Variants in MAP3K9 observed in about 807,000 individuals in gnomAD.
The protein encoded by MAP3K9 is mixed lineage kinase 1 (tyr and ser/thr specificity).
Under a neutral mutation model 95.8 loss-of-function variants are expected in MAP3K9, and 46 were observed. That is an observed-to-expected ratio of 0.48 (90% CI 0.38 to 0.61). The LOEUF is 0.61. Among genes scored for constraint, MAP3K9 ranks in the 20% least tolerant of loss-of-function variants. The pLI is 0.00. For synonymous variants in MAP3K9, 533 were observed against 593.8 expected (o/e 0.90, Z 1.49); for missense variants, 1,296 against 1,474.3 (o/e 0.88, Z 1.98).
intron 1 of MAP3K9, among the ~76,000 whole-genome samples, chr14:70,805,806 G>A (rs1353703436): frequency 2.0e-5 from 3 of 152,094 alleles, no homozygotes; most frequent in Non-Finnish European, 4.4e-5. Flanking sequence ...TGCGCCTCTG[G>A]TCCCAGCTTC....
At position 70,809,112 on chromosome 14, in the gene MAP3K9, C is replaced by G. The variant is rs759355258; in HGVS notation, c.60G>C (p.Pro20=). 7 of 1,382,008 alleles carry G rather than the reference C, an allele frequency of 5.1e-6. No homozygotes were observed. The highest frequency in any genetic ancestry group is 5.6e-6 in the Non-Finnish European group (6 of 1,076,866). The allele number at this position is 1,382,008 out of a possible 1,614,324, so 85.6% of individuals were successfully genotyped here. ...CLASAAAAAP[P]GEDGAGAGAE... is the part of the protein sequence containing the mutation. ...CCCCGGCCCCTGCTCCATCCTCCCCCGGCGGGGCGGCAGCGGCGGCGCTCG... is the reference window on the plus strand; with the variant it reads ...CCCCGGCCCCTGCTCCATCCTCCCCGGGCGGGGCGGCAGCGGCGGCGCTCG... Residue 20 remains proline (P), a synonymous_variant, in exon 1 of 12, where the codon CCG becomes CCC. Coordinates refer to ENST00000554752, the MANE Select transcript of MAP3K9 (RefSeq NM_001284230.2).
rs2053887656 is a variant in MAP3K9 at position 70,730,697 on chromosome 14, T to G, written c.2998A>C (p.Asn1000His). ...CACCAAGGGTCCAGCCGTTGCCGGT[T>G]GGCAGAAGGACGCGGCCGAGGCAGA... Reference protein sequence around the residue: ...EFLPRPRPSANRQRLDPWWFV... With the variant: ...EFLPRPRPSAHRQRLDPWWFV... The change falls in exon 12 of 12, where the codon AAC becomes CAC. Residue 1000 changes from asparagine to histidine, a missense_variant. By Grantham distance (68) the Asn-to-His change is moderately conservative. Coordinates refer to ENST00000554752, the MANE Select transcript of MAP3K9 (RefSeq NM_001284230.2). 1.2e-5 allele frequency: 20 copies of G among 1,613,730 alleles called. No homozygotes were observed. The East Asian group carries it at 4.5e-4, about 36-fold the overall frequency.
chr14:70,746,034 T>A (rs904587426), intron 5 of MAP3K9, among the ~76,000 whole-genome samples: 1 of 152,244 alleles, frequency 6.6e-6, no homozygotes, highest in Non-Finnish European at 1.5e-5. Context: ...GTCCTATGAC[T>A]TTGTTTTCAT....
At chr14:70,801,154 G>C in intron 1 of MAP3K9, 74 bp from the exon 2 acceptor site, 1 of 1,405,950 alleles carries the variant, frequency 7.1e-7, no homozygotes, top group South Asian at 1.4e-5. Flanking sequence ...TCATTTACCT[G>C]AGTGGGTAAA....
At position 70,728,174 on chromosome 14, in the gene MAP3K9, T is replaced by A. The variant is rs1361877659; in HGVS notation, c.*2206A>T. ...TTCTCTCTTGTTGCCCAGGCTGGAG[T>A]GCAATGGCGCAATCTTGGCTCACTG... On this transcript the variant is annotated 3_prime_UTR_variant, in exon 12 of 12. Transcript: ENST00000554752. The A allele has an allele frequency of 7.6e-6, 1 of 131,428 alleles. No homozygotes were observed. Among genetic ancestry groups the A allele is most frequent in the Non-Finnish European group, 1.6e-5 (1 of 64,474 alleles). 8.1% of individuals were successfully genotyped at this position (131,428 alleles called of 1,614,324 possible).
chr14:70,765,736 A>G (rs774540064), intron 2 of MAP3K9, among the ~76,000 whole-genome samples: 1 of 17,866 alleles, frequency 5.6e-5, no homozygotes, highest in African/African-American at 4.8e-4. Context: ...AACAACAGCT[A>G]AAAAAAAAAA....
At chr14:70,784,705 G>C (rs10131364) in intron 2 of MAP3K9, among the ~76,000 whole-genome samples, 43,348 of 152,110 alleles carry the variant, frequency 0.28, 6,589 homozygotes, top group Admixed American at 0.33. Context: ...CTGGGAGACA[G>C]AGTGAGTGAG....
chr14:70,745,914 G>A (rs1367870468), intron 5 of MAP3K9, among the ~76,000 whole-genome samples: 1 of 152,052 alleles, frequency 6.6e-6, no homozygotes, highest in Non-Finnish European at 1.5e-5. Context: ...CTTCTTTATG[G>A]GAACATAGAT....
At chr14:70,750,198 A>T in intron 3 of MAP3K9, 117 bp from the exon 4 acceptor site, 1 of 928,172 alleles carries the variant, frequency 1.1e-6, no homozygotes, top group East Asian at 2.6e-5. Flanking sequence ...GAGACTAATG[A>T]AACAGAAATA....
intron 2 of MAP3K9, among the ~76,000 whole-genome samples, chr14:70,793,111 T>C (rs537978566): frequency 3.5e-4 from 54 of 152,228 alleles, no homozygotes; most frequent in African/African-American, 1.3e-3. Context: ...AAGGGAGTAC[T>C]GAGGTTGGAC....
At chr14:70,733,933 C>G (rs2053949002) in intron 10 of MAP3K9, 2 of 656,302 alleles carry the variant, frequency 3.0e-6, no homozygotes, top group Admixed American at 4.5e-5. Flanking sequence ...AGCCTTTGGA[C>G]TCTCAGACTT....
chr14:70,786,069 A>T (rs11622833), intron 2 of MAP3K9, among the ~76,000 whole-genome samples: 1 of 151,748 alleles, frequency 6.6e-6, no homozygotes, highest in Non-Finnish European at 1.5e-5. Context: ...AGATAATATC[A>T]GGTTACACTA....
chr14:70,802,559 C>CT (rs1212568533), intron 1 of MAP3K9, among the ~76,000 whole-genome samples: 1 of 152,160 alleles, frequency 6.6e-6, no homozygotes, highest in Non-Finnish European at 1.5e-5. Flanking sequence ...TCTCTATCTT[C>CT]TTTTTTCTTT....
intron 4 of MAP3K9, among the ~76,000 whole-genome samples, chr14:70,749,288 T>C (rs1472750002): frequency 6.6e-6 from 1 of 152,198 alleles, no homozygotes; most frequent in Non-Finnish European, 1.5e-5. Flanking sequence ...AGTTTTCTTG[T>C]ACAAAGCACC....
intron 2 of MAP3K9, among the ~76,000 whole-genome samples, chr14:70,774,803 G>A (rs2054574570): frequency 6.6e-6 from 1 of 151,896 alleles, no homozygotes; most frequent in African/African-American, 2.4e-5. Flanking sequence ...TGGCTAACAT[G>A]GTGAAACCCC....
At chr14:70,770,567 G>A (rs754467990) in intron 2 of MAP3K9, among the ~76,000 whole-genome samples, 2 of 152,152 alleles carry the variant, frequency 1.3e-5, no homozygotes, top group Non-Finnish European at 2.9e-5. Flanking sequence ...AATATAAAAT[G>A]CGTCTATCCA....
At chr14:70,763,884 TA>T (rs1213794701) in intron 2 of MAP3K9, among the ~76,000 whole-genome samples, 4 of 149,992 alleles carry the variant, frequency 2.7e-5, no homozygotes, top group African/African-American at 9.8e-5. Context: ...TCTACTTATG[TA>T]AAAAAAAGTT....
chr14:70,738,317 G>A lies in MAP3K9; in HGVS notation c.1772C>T (p.Ala591Val). 1 of 1,613,976 alleles carries A rather than the reference G, an allele frequency of 6.2e-7. No homozygotes were observed. The highest frequency in any genetic ancestry group is 8.5e-7 in the Non-Finnish European group (1 of 1,179,942). ...KEEGEEEEKR[A>V]PKKKGRTWGP... ...CCACGTCCGTCCCTTCTTCTTTGGG[G>A]CCCTCTTCTCCTCCTCCTCCCCTTC... The change falls in exon 8 of 12, where the codon GCC becomes GTC. Residue 591 changes from alanine (A) to valine (V), a missense_variant. By Grantham distance (64) the Ala-to-Val change is moderately conservative. Transcript: ENST00000554752.
chr14:70,801,870 T>C (rs938815509), intron 1 of MAP3K9, among the ~76,000 whole-genome samples: 1 of 152,006 alleles, frequency 6.6e-6, no homozygotes, highest in Non-Finnish European at 1.5e-5. Flanking sequence ...GCCAAGAACA[T>C]GGAGTACGAA....
Sources: allele counts gnomAD v4.1 joint callset (sites outside exome capture counted in the v4.1 genomes callset), GRCh38; gene constraint gnomAD v4.1.1; transcripts MANE v1.5; gene names NCBI Gene and HGNC (gene_info 2026-07-23, HGNC 2026-07-21).